HMGCLL1: variants seen among roughly 807,000 people sequenced by gnomAD.
HMGCLL1 encodes 3-hydroxymethyl-3-methylglutaryl-CoA lyase, cytoplasmic.
In HMGCLL1, 36 loss-of-function variants were observed where a neutral mutation model predicts 39.1. The ratio of observed to expected loss-of-function variants is 0.92; its 90% CI spans 0.71 to 1.22. HMGCLL1 has a LOEUF of 1.22. Ranked by LOEUF, HMGCLL1 falls within the 50% of genes most tolerant of loss-of-function variation. The probability of loss-of-function intolerance (pLI) is 0.00; values close to 1 mark genes in which losing one functional copy is unlikely to be tolerated. For synonymous variants in HMGCLL1, 149 were observed against 144.0 expected (o/e 1.03, Z -0.25); for missense variants, 451 against 416.5 (o/e 1.08, Z -0.72).
At chr6:55,510,258 T>C (rs1450943925) in intron 5 of HMGCLL1, among the ~76,000 whole-genome samples, 1 of 151,950 alleles carries the variant, frequency 6.6e-6, no homozygotes, top group East Asian at 1.9e-4. Flanking sequence ...TGTAATTATG[T>C]AAAGAAACTT....
At chr6:55,445,524 T>G (rs930772340) in intron 7 of HMGCLL1, among the ~76,000 whole-genome samples, 15 of 152,028 alleles carry the variant, frequency 9.9e-5, no homozygotes, top group Non-Finnish European at 1.6e-4. Context: ...TTGAAAATAA[T>G]AGACAGGCCA....
chr6:55,468,047 G>A (rs1008297016), intron 7 of HMGCLL1, among the ~76,000 whole-genome samples: 2 of 151,956 alleles, frequency 1.3e-5, no homozygotes, highest in Admixed American at 6.6e-5. Flanking sequence ...CCCAGTCCAG[G>A]GGATTTGGGA....
At chr6:55,454,465 A>T (rs1004161476) in intron 7 of HMGCLL1, among the ~76,000 whole-genome samples, 3 of 152,226 alleles carry the variant, frequency 2.0e-5, no homozygotes, top group African/African-American at 7.2e-5. Flanking sequence ...TTCAAAGAAT[A>T]CAGAACACTC....
intron 7 of HMGCLL1, among the ~76,000 whole-genome samples, chr6:55,484,910 A>AT (rs147756126): frequency 0.078 from 11,789 of 150,730 alleles, 1,475 homozygotes; most frequent in African/African-American, 0.27. Flanking sequence ...AAACCCTGTA[A>AT]TTTTTTTTTT....
chr6:55,520,102 G>A (rs1440917625), intron 3 of HMGCLL1, among the ~76,000 whole-genome samples: 1 of 123,762 alleles, frequency 8.1e-6, no homozygotes, highest in Non-Finnish European at 1.7e-5. Flanking sequence ...CTGTCAGGGG[G>A]TGGGGGGCGG....
intron 5 of HMGCLL1, among the ~76,000 whole-genome samples, chr6:55,508,509 T>C (rs539379841): frequency 7.4e-4 from 113 of 151,940 alleles, no homozygotes; most frequent in African/African-American, 2.6e-3. Context: ...TGTGTTCTAA[T>C]TTCATATGAA....
At chr6:55,647,426 T>TA in the HMGCLL1 span, among the ~76,000 whole-genome samples, 3 of 152,026 alleles carry the variant, frequency 2.0e-5, no homozygotes, top group Non-Finnish European at 4.4e-5. Context: ...GACTTACTCT[T>TA]ACAATTTTAT....
At chr6:55,479,390 T>C (rs1765614426) in intron 7 of HMGCLL1, among the ~76,000 whole-genome samples, 1 of 151,622 alleles carries the variant, frequency 6.6e-6, no homozygotes, top group South Asian at 2.1e-4. Flanking sequence ...TGCATTATAC[T>C]ATGTGGTGGG....
At chr6:55,483,711 G>A (rs867347574) in intron 7 of HMGCLL1, among the ~76,000 whole-genome samples, 14 of 152,124 alleles carry the variant, frequency 9.2e-5, no homozygotes, top group Non-Finnish European at 1.5e-4. Context: ...TTGAAATCCC[G>A]GTTCTACTAT....
At chr6:55,673,034 TAAA>T in the HMGCLL1 span, among the ~76,000 whole-genome samples, 56 of 152,046 alleles carry the variant, frequency 3.7e-4, no homozygotes, top group African/African-American at 1.2e-3. Context: ...TAAGGAGAAA[TAAA>T]AAGAAGTCCC....
the HMGCLL1 span, among the ~76,000 whole-genome samples, chr6:55,644,634 T>A: frequency 6.6e-6 from 1 of 151,962 alleles, no homozygotes; most frequent in Non-Finnish European, 1.5e-5. Context: ...AGTTTTTCCA[T>A]CATTGTTTAT....
At chr6:55,468,123 G>C (rs543939567) in intron 7 of HMGCLL1, among the ~76,000 whole-genome samples, 1 of 152,028 alleles carries the variant, frequency 6.6e-6, no homozygotes, top group Admixed American at 6.6e-5. Context: ...ACAAGGGTTG[G>C]GATCTCTTTT....
At chr6:55,597,293 A>G in the HMGCLL1 span, among the ~76,000 whole-genome samples, 1 of 152,124 alleles carries the variant, frequency 6.6e-6, no homozygotes, top group African/African-American at 2.4e-5. Flanking sequence ...AAGATTATAA[A>G]TGGAATGCCT....
intron 1 of HMGCLL1, among the ~76,000 whole-genome samples, chr6:55,550,780 C>T (rs1770284181): frequency 6.6e-6 from 1 of 151,648 alleles, no homozygotes; most frequent in Non-Finnish European, 1.5e-5. Flanking sequence ...CCCCAAGGGA[C>T]ACCCGGCAAT....
intron 3 of HMGCLL1, among the ~76,000 whole-genome samples, chr6:55,532,557 C>T (rs1293784170): frequency 2.0e-5 from 3 of 151,918 alleles, no homozygotes; most frequent in Non-Finnish European, 4.4e-5. Context: ...AATCTCAACA[C>T]TTTGGGAGCC....
intron 3 of HMGCLL1, among the ~76,000 whole-genome samples, chr6:55,523,243 A>G (rs1460309898): frequency 1.3e-5 from 2 of 151,944 alleles, no homozygotes; most frequent in East Asian, 3.9e-4. Flanking sequence ...GTAATAGTGT[A>G]CTAGGTAAGA....
At chr6:55,618,620 A>G in the HMGCLL1 span, among the ~76,000 whole-genome samples, 2 of 152,080 alleles carry the variant, frequency 1.3e-5, no homozygotes, top group Admixed American at 1.3e-4. Context: ...TTAGAATTCT[A>G]GAAACAAAGA....
chr6:55,565,600 C>T (rs1311324930), intron 1 of HMGCLL1, among the ~76,000 whole-genome samples: 1 of 151,938 alleles, frequency 6.6e-6, no homozygotes, highest in Non-Finnish European at 1.5e-5. Context: ...TCTTTCCCAT[C>T]AAAAGGTCAA....
intron 7 of HMGCLL1, among the ~76,000 whole-genome samples, chr6:55,463,701 C>A (rs957713164): frequency 6.6e-6 from 1 of 152,200 alleles, no homozygotes; most frequent in Non-Finnish European, 1.5e-5. Context: ...CCCTAGGCAT[C>A]TCTCCAGATG....
Sources: allele counts gnomAD v4.1 joint callset (sites outside exome capture counted in the v4.1 genomes callset), GRCh38; gene constraint gnomAD v4.1.1; transcripts MANE v1.5; gene names NCBI Gene and HGNC (gene_info 2026-07-23, HGNC 2026-07-21).